Variants in TSC22D1 observed in about 807,000 individuals in gnomAD.
TSC22D1 encodes TSC22 domain family protein 1.
TSC22D1 carries 9 observed loss-of-function variants against 74.2 expected under a neutral mutation model. The ratio of observed to expected loss-of-function variants is 0.12; its 90% CI spans 0.07 to 0.21. TSC22D1 has a LOEUF of 0.21. Ranked by LOEUF, TSC22D1 falls within the 10% of genes least tolerant of loss-of-function variation. The pLI is 1.00. For synonymous variants in TSC22D1, 586 were observed against 492.5 expected (o/e 1.19, Z -2.51); for missense variants, 1,427 against 1,304.7 (o/e 1.09, Z -1.44).
At chr13:44,436,313 C>T in intron 1 of TSC22D1, 1 of 931,296 alleles carries the variant, frequency 1.1e-6, no homozygotes, top group African/African-American at 1.7e-5. Context: ...GACTAAATTA[C>T]ATAATGTGGG....
At chr13:44,494,228 T>C (rs1021245287) in intron 1 of TSC22D1, among the ~76,000 whole-genome samples, 2 of 151,196 alleles carry the variant, frequency 1.3e-5, no homozygotes, top group Non-Finnish European at 2.9e-5. Flanking sequence ...ATACAAAAAT[T>C]AGCCAGGCGT....
chr13:44,567,606 A>C (rs890777302), intron 1 of TSC22D1, among the ~76,000 whole-genome samples: 9 of 150,966 alleles, frequency 6.0e-5, no homozygotes, highest in African/African-American at 1.9e-4. Flanking sequence ...AAAAAGGAGC[A>C]AAAAAAAAGT....
intron 1 of TSC22D1, among the ~76,000 whole-genome samples, chr13:44,477,638 A>ATTTTTT (rs35355914): frequency 1.6e-5 from 2 of 125,382 alleles, no homozygotes; most frequent in South Asian, 2.6e-4. Flanking sequence ...GTGCTCATAG[A>ATTTTTT]TTTTTTTTTT....
chr13:44,551,758 G>A (rs1452433571), intron 1 of TSC22D1, among the ~76,000 whole-genome samples: 1 of 152,056 alleles, frequency 6.6e-6, no homozygotes, highest in African/African-American at 2.4e-5. Context: ...GACATAGGCT[G>A]GGTACAGTGG....
chr13:44,460,950 T>C (rs2138949222), intron 1 of TSC22D1, among the ~76,000 whole-genome samples: 1 of 152,342 alleles, frequency 6.6e-6, no homozygotes, highest in South Asian at 2.1e-4. Context: ...AATGATATAA[T>C]TTATCATCTA....
At chr13:44,518,682 A>T (rs2138033393) in intron 1 of TSC22D1, among the ~76,000 whole-genome samples, 1 of 152,276 alleles carries the variant, frequency 6.6e-6, no homozygotes, top group East Asian at 1.9e-4. Context: ...ATATTATCCA[A>T]ATTACTGGTT....
rs532208387 is a variant in TSC22D1, at chr13:44,549,601, T to C, written c.2912+23562A>G. 2.0e-5 allele frequency among the ~76,000 whole-genome samples: 3 copies of C among 151,742 alleles called. 1 individual carries two copies. In the East Asian group the frequency reaches 5.8e-4, roughly 29 times the overall value. ...CAGCCTAAGCAACATGGTGAAATCC[T>C]ATCTCTACAAAAAATTAGCCAGGCA... On this transcript the variant is annotated intron_variant, in intron 1 of 2. Transcript: ENST00000458659.
chr13:44,500,925 A>C (rs1312797347), intron 1 of TSC22D1, among the ~76,000 whole-genome samples: 1 of 152,140 alleles, frequency 6.6e-6, no homozygotes, highest in Non-Finnish European at 1.5e-5. Flanking sequence ...GCCTCCAGCG[A>C]TCCTCCTGCC....
At chr13:44,557,788 C>T (rs1480291350) in intron 1 of TSC22D1, among the ~76,000 whole-genome samples, 1 of 152,116 alleles carries the variant, frequency 6.6e-6, no homozygotes, top group African/African-American at 2.4e-5. Flanking sequence ...TAAGTATCAA[C>T]AGCTTATAGA....
chr13:44,435,327 C>T (rs958358938), intron 2 of TSC22D1: 2 of 160,654 alleles, frequency 1.2e-5, no homozygotes, highest in Non-Finnish European at 2.7e-5. Flanking sequence ...CCCTCCACCC[C>T]GCCCCCCTCT....
chr13:44,449,943 G>C (rs1335787495), intron 1 of TSC22D1, among the ~76,000 whole-genome samples: 1 of 152,172 alleles, frequency 6.6e-6, no homozygotes, highest in Admixed American at 6.5e-5. Flanking sequence ...TGGCACCACA[G>C]TTATCAAGAT....
intron 1 of TSC22D1, among the ~76,000 whole-genome samples, chr13:44,509,950 C>CAAAAAAAAAAAAAAG (rs1879616261): frequency 1.9e-5 from 1 of 51,426 alleles, no homozygotes; most frequent in Non-Finnish European, 3.6e-5. Context: ...AGAAAATAAG[C>CAAAAAAAAAAAAAAG]AAAAAAAAAA....
Position 44,436,108 on chromosome 13 carries a change from A to G in TSC22D1, c.2913-13T>C. ...TGCACCAGAGGAGCTGAAAAAGAGG[A>G]GGGAAAAAGGTCATCGATAAATGGA... is the stretch of plus-strand genomic sequence containing the variant. On this transcript the variant is annotated splice_polypyrimidine_tract_variant and intron_variant, in intron 1 of 2. Transcript: ENST00000458659. The G allele has an allele frequency of 6.2e-7, 1 of 1,608,558 alleles. No homozygotes were observed. The highest frequency in any genetic ancestry group is 8.5e-7 in the Non-Finnish European group (1 of 1,178,512).
intron 1 of TSC22D1, among the ~76,000 whole-genome samples, chr13:44,490,510 CA>C (rs973305760): frequency 2.0e-5 from 3 of 151,096 alleles, no homozygotes; most frequent in Non-Finnish European, 4.4e-5. Context: ...AATGTTCAAC[CA>C]AAAAAATCAA....
intron 1 of TSC22D1, among the ~76,000 whole-genome samples, chr13:44,457,648 A>T (rs1186046311): frequency 6.6e-6 from 1 of 151,486 alleles, no homozygotes; most frequent in Non-Finnish European, 1.5e-5. Context: ...AAAAAAAAAA[A>T]AAAAAAAAAA....
intron 1 of TSC22D1, among the ~76,000 whole-genome samples, chr13:44,451,163 G>A (rs1278765174): frequency 1.3e-5 from 2 of 152,218 alleles, no homozygotes; most frequent in Non-Finnish European, 2.9e-5. Flanking sequence ...CTTTGAGAAA[G>A]CTCATGTGGA....
chr13:44,467,114 A>G (rs541889581), intron 1 of TSC22D1, among the ~76,000 whole-genome samples: 4 of 152,240 alleles, frequency 2.6e-5, no homozygotes, highest in African/African-American at 9.6e-5. Context: ...GTCAGCCAAG[A>G]TCACGCCACT....
intron 1 of TSC22D1, among the ~76,000 whole-genome samples, chr13:44,447,196 C>T (rs1167400224): frequency 6.6e-6 from 1 of 151,278 alleles, no homozygotes; most frequent in African/African-American, 2.4e-5. Flanking sequence ...GTTGCCCAGG[C>T]TGATCTCGAA....
At chr13:44,552,208 T>C (rs1168495487) in intron 1 of TSC22D1, among the ~76,000 whole-genome samples, 3 of 152,324 alleles carry the variant, frequency 2.0e-5, no homozygotes, top group Non-Finnish European at 4.4e-5. Context: ...GACTTCAAGG[T>C]TTCTCCATTT....
Sources: allele counts gnomAD v4.1 joint callset (sites outside exome capture counted in the v4.1 genomes callset), GRCh38; gene constraint gnomAD v4.1.1; transcripts MANE v1.5; gene names NCBI Gene and HGNC (gene_info 2026-07-23, HGNC 2026-07-21).